The following TCF3 variants were observed in gnomAD, a reference collection of about 807,000 sequenced individuals.
TCF3 encodes transcription factor 3.
Under a neutral mutation model 72.3 loss-of-function variants are expected in TCF3, and 54 were observed. The observed-to-expected ratio is 0.75, with a 90% confidence interval of 0.60 to 0.94. The LOEUF is 0.94. TCF3 is among the 40% of genes least tolerant of loss of function. The pLI, the probability that TCF3 is intolerant of heterozygous loss-of-function variation, is 0.00. For synonymous variants in TCF3, 525 were observed against 412.6 expected, an observed-to-expected ratio of 1.27 and a Z score of -3.30; for missense variants, 1,078 against 934.4, an observed-to-expected ratio of 1.15 and a Z score of -2.00.
In TCF3 at chr19:1,619,405, C is replaced by T. The variant is rs551817262; in HGVS notation, c.1237G>A (p.Gly413Ser). 6.2e-5 allele frequency: 98 copies of T among 1,592,876 alleles called. No individual in the cohort carries two copies. Among genetic ancestry groups the T allele is most frequent in the African/African-American group, 1.1e-4 (8 of 74,798 alleles). The change falls in exon 15 of 19, where the codon GGC becomes AGC. Residue 413 changes from glycine to serine, a missense_variant. Coordinates refer to ENST00000262965, the MANE Select transcript of TCF3 (RefSeq NM_003200.5). ...CCAGGCAGCAGCGTGTGCATGTCGCCGGCTGTGCCCACGGCGTGGCTGCGG... is the reference window on the plus strand; with the variant it reads ...CCAGGCAGCAGCGTGTGCATGTCGCTGGCTGTGCCCACGGCGTGGCTGCGG... ...VLRSHAVGTA[G>S]DMHTLLPGHG...
At chr19:1,621,733 C>A (rs2062246405) in intron 11 of TCF3, 105 bp downstream of exon 11, 1 of 1,392,534 alleles carries the variant, frequency 7.2e-7, no homozygotes, top group African/African-American at 1.5e-5. Flanking sequence ...TCAGGGCCAG[C>A]AGACGCGCCT....
At chr19:1,612,393 T>C in intron 18 of TCF3, 1 of 1,613,674 alleles carries the variant, frequency 6.2e-7, no homozygotes, top group Non-Finnish European at 8.5e-7. Flanking sequence ...TCCCGGTCCC[T>C]CAGGTCTTTC....
chr19:1,648,898 G>A (rs2066560945), intron 2 of TCF3, among the ~76,000 whole-genome samples: 1 of 151,696 alleles, frequency 6.6e-6, no homozygotes, highest in Admixed American at 6.6e-5. Flanking sequence ...GCTTCTCCAG[G>A]AACCCATAAC....
intron 11 of TCF3, 51 bp from the exon 12 acceptor site, chr19:1,621,242 C>T: frequency 2.6e-6 from 4 of 1,517,388 alleles, no homozygotes; most frequent in Non-Finnish European, 3.5e-6. Context: ...GGTGCTGCCG[C>T]CGACGGCAAG....
rs978072853 is a variant in TCF3 at position 1,627,504 on chromosome 19, C to T, written c.299-78G>A. On this transcript the variant is annotated intron_variant, in intron 5 of 18. Transcript: ENST00000262965. ...GGGCCCCCGAGTGCCTGCCATGTGC[C>T]TACAATAGGCTCTCAGTAAGTGCAC... 5 of 1,299,020 alleles carry T rather than the reference C, an allele frequency of 3.8e-6. No individual in the cohort carries two copies. In the African/African-American group the frequency reaches 7.3e-5, roughly 19 times the overall value. 80.5% of individuals were successfully genotyped at this position (1,299,020 alleles called of 1,614,324 possible).
chr19:1,615,822 C>T lies in TCF3; in HGVS notation c.1451-1G>A. ...GCCGTGGCACCTGCTCGCCCTAGCCCTGCAACAGGCCTAGGGTCAGGGGCC... is the reference window on the plus strand; with the variant it reads ...GCCGTGGCACCTGCTCGCCCTAGCCTTGCAACAGGCCTAGGGTCAGGGGCC... On this transcript the variant is annotated splice_acceptor_variant, in intron 16 of 18. Transcript: ENST00000262965. LOFTEE classifies it high-confidence loss of function. This position sits in a 1 kb window ranked among gnomAD's most constrained non-coding sequence, Gnocchi z 7.3. 1 of 1,553,798 alleles carries T rather than the reference C, an allele frequency of 6.4e-7. No individual in the cohort carries two copies. Among genetic ancestry groups the T allele is most frequent in the African/African-American group, 1.4e-5 (1 of 73,866 alleles).
At chr19:1,641,616 C>G (rs1017353296) in intron 3 of TCF3, among the ~76,000 whole-genome samples, 6 of 152,104 alleles carry the variant, frequency 3.9e-5, no homozygotes, top group African/African-American at 9.7e-5. Flanking sequence ...CCACGCCCAG[C>G]TAATTTTTGT....
At chr19:1,651,598 G>A (rs1005267838) in intron 1 of TCF3, among the ~76,000 whole-genome samples, 2 of 152,156 alleles carry the variant, frequency 1.3e-5, no homozygotes, top group African/African-American at 4.8e-5. Flanking sequence ...TGAGAGACTT[G>A]GAGAATGTTT....
At position 1,615,574 on chromosome 19, in the gene TCF3, G is replaced by A; in HGVS notation, c.1587-54C>T. 2 of 1,605,028 alleles carry A rather than the reference G, an allele frequency of 1.2e-6. No homozygotes were observed. Among genetic ancestry groups the A allele is most frequent in the African/African-American group, 1.3e-5 (1 of 75,030 alleles). ...GAGGGAGACAGTGAGGTTGGGGGAA[G>A]AGCGTGGGGCCCGCCGACGGCCTCC... On this transcript the variant is annotated intron_variant, in intron 17 of 18. Transcript: ENST00000262965. The surrounding 1 kb of genome is among the most constrained non-coding windows in gnomAD (Gnocchi z 7.3).
In TCF3 at chr19:1,609,658, A is replaced by C. The variant is rs2060851719; in HGVS notation, c.*2049T>G. ...GAGGCAAGTTCCCTTAAGAGATCAA[A>C]CTCCCAGGGCGTAGGGGAAGCCACC... is the stretch of plus-strand genomic sequence containing the variant. On this transcript the variant is annotated 3_prime_UTR_variant, in exon 19 of 19. Transcript: ENST00000262965. 4.5e-6 allele frequency: 1 copy of C among 224,668 alleles called. No homozygotes were observed. The allele number at this position is 224,668 out of a possible 1,614,324, so 13.9% of individuals were successfully genotyped here.
At chr19:1,648,826 G>GA (rs1568522478) in intron 2 of TCF3, among the ~76,000 whole-genome samples, 1 of 147,292 alleles carries the variant, frequency 6.8e-6, no homozygotes. Context: ...ATGGGGGGGG[G>GA]GGGGGAGCAG....
At chr19:1,642,839 G>A (rs2065531825) in intron 3 of TCF3, among the ~76,000 whole-genome samples, 2 of 152,182 alleles carry the variant, frequency 1.3e-5, no homozygotes, top group Admixed American at 1.3e-4. Flanking sequence ...ACACGCACCC[G>A]GAGGAAATGA....
chr19:1,643,569 G>A (rs1186382279), intron 3 of TCF3, among the ~76,000 whole-genome samples: 1 of 151,914 alleles, frequency 6.6e-6, no homozygotes. Context: ...AGGCTGGAGC[G>A]CAGTGGCTCA....
In TCF3 at chr19:1,615,853, C is replaced by A; in HGVS notation, c.1451-32G>T. ...CAGGCCTAGGGTCAGGGGCCTGCGT[C>A]GGCCTCCAGGGCCAACTGACATATC... On this transcript the variant is annotated intron_variant, in intron 16 of 18. Coordinates refer to ENST00000262965, the MANE Select transcript of TCF3 (RefSeq NM_003200.5). The surrounding 1 kb of genome is among the most constrained non-coding windows in gnomAD (Gnocchi z 7.3). The A allele has an allele frequency of 6.6e-7, 1 of 1,506,300 alleles. No homozygotes were observed. Among genetic ancestry groups the A allele is most frequent in the African/African-American group, 1.4e-5 (1 of 71,786 alleles). 93.3% of individuals were successfully genotyped at this position (1,506,300 alleles called of 1,614,324 possible). A position where few individuals can be genotyped will look rare whatever the true frequency, so the allele number is the denominator to read the frequency against.
Position 1,611,087 on chromosome 19 carries a change from C to T in TCF3, c.*620G>A, listed in dbSNP as rs2060952187. The T allele has an allele frequency of 4.3e-6, 1 of 231,078 alleles. No individual in the cohort carries two copies. 14.3% of individuals were successfully genotyped at this position (231,078 alleles called of 1,614,324 possible). A position where few individuals can be genotyped will look rare whatever the true frequency, so the allele number is the denominator to read the frequency against. Reference sequence around the variant, plus strand: ...ACAAAAAAATTTGTTGCTTACAAAACATATGCAAAAAAAGCTTAAAAAAAC... The same window carrying T: ...ACAAAAAAATTTGTTGCTTACAAAATATATGCAAAAAAAGCTTAAAAAAAC... On this transcript the variant is annotated 3_prime_UTR_variant, in exon 19 of 19. Transcript: ENST00000262965.
chr19:1,638,218 C>G (rs1301867095), intron 3 of TCF3, among the ~76,000 whole-genome samples: 2 of 152,226 alleles, frequency 1.3e-5, no homozygotes, highest in African/African-American at 4.8e-5. Context: ...GCTACATTAC[C>G]CCTACCCTAC....
rs2061440333 is a variant in TCF3 at position 1,615,337 on chromosome 19, G to A, written c.1770C>T (p.Leu590=). The A allele has an allele frequency of 6.2e-7, 1 of 1,612,360 alleles. No homozygotes were observed. Among genetic ancestry groups the A allele is most frequent in the Non-Finnish European group, 8.5e-7 (1 of 1,178,550 alleles). ...TGACCGAGACAGCCTGGTGCAGGAT[G>A]AGCAGTTTGGTCTGGGGCTTCTCGC... ...LNSEKPQTKL[L]ILHQAVSVIL... Residue 590 remains leucine, a synonymous_variant, in exon 18 of 19, where the codon CTC becomes CTT. Coordinates refer to ENST00000262965, the MANE Select transcript of TCF3 (RefSeq NM_003200.5). This position sits in a 1 kb window ranked among gnomAD's most constrained non-coding sequence, Gnocchi z 7.3.
intron 3 of TCF3, among the ~76,000 whole-genome samples, chr19:1,645,568 T>C (rs2065964595): frequency 6.6e-6 from 1 of 152,180 alleles, no homozygotes; most frequent in Non-Finnish European, 1.5e-5. Context: ...CCACGGCCCC[T>C]TCCTCTCACC....
Position 1,648,603 on chromosome 19 carries a change from C to T in TCF3, c.72+1574G>A, listed in dbSNP as rs569100361. On this transcript the variant is annotated intron_variant, in intron 2 of 18. Coordinates refer to ENST00000262965, the MANE Select transcript of TCF3 (RefSeq NM_003200.5). ...CTCAGCCAGGGAAGCAAAAATAAAA[C>T]GGGGCTTAAAAATACCAGCATGGCC... is the stretch of plus-strand genomic sequence containing the variant. Among the ~76,000 whole-genome samples, 5 of 152,328 alleles carry T rather than the reference C, an allele frequency of 3.3e-5. 1 individual carries two copies. The highest frequency in any genetic ancestry group is 6.5e-5 in the Admixed American group (1 of 15,298).
Sources: allele counts gnomAD v4.1 joint callset (sites outside exome capture counted in the v4.1 genomes callset), GRCh38; gene constraint gnomAD v4.1.1; non-coding constraint Gnocchi (gnomAD v3.1); transcripts MANE v1.5; gene names NCBI Gene and HGNC (gene_info 2026-07-23, HGNC 2026-07-21).